Variants in SYMPK observed in about 807,000 individuals in gnomAD.
The protein encoded by SYMPK is symplekin scaffold protein.
Under a neutral mutation model 136.4 loss-of-function variants are expected in SYMPK, and 49 were observed. The observed-to-expected ratio is 0.36, with a 90% CI of 0.29 to 0.46. The LOEUF (loss-of-function observed/expected upper bound fraction) is 0.46, where lower values mean the gene tolerates loss of function less well. SYMPK is among the 20% of genes least tolerant of loss of function. The pLI, the probability that SYMPK is intolerant of heterozygous loss-of-function variation, is 1.00. For missense variants in SYMPK, 1,365 were observed against 1,690.0 expected (o/e 0.81, Z 3.37); for synonymous variants, 766 against 713.0 (o/e 1.07, Z -1.19).
At chr19:45,823,123 T>C (rs1009367314) in intron 20 of SYMPK, among the ~76,000 whole-genome samples, 42 of 152,172 alleles carry the variant, frequency 2.8e-4, no homozygotes, top group African/African-American at 9.9e-4. Context: ...AGGGACCTGC[T>C]TGAGGTAGAG....
At chr19:45,816,247 G>C (rs1010596402) in intron 25 of SYMPK, 64 bp from the exon 26 acceptor site, 3 of 1,255,442 alleles carry the variant, frequency 2.4e-6, no homozygotes, top group Non-Finnish European at 3.2e-6. Flanking sequence ...GCCGGAAAGA[G>C]AAGGAACCAC....
At chr19:45,846,374 T>G (rs1971560419) in intron 7 of SYMPK, among the ~76,000 whole-genome samples, 1 of 152,206 alleles carries the variant, frequency 6.6e-6, no homozygotes. Context: ...TACTATTAAG[T>G]CAAAAAGGCT....
At chr19:45,826,186 A>G in intron 17 of SYMPK, 40 bp downstream of exon 17, 1 of 1,583,052 alleles carries the variant, frequency 6.3e-7, no homozygotes, top group East Asian at 2.3e-5. Context: ...GAGCGCGGAC[A>G]CAGCAGCGCT....
chr19:45,846,270 AT>A (rs1482570883), intron 7 of SYMPK, among the ~76,000 whole-genome samples: 2 of 152,226 alleles, frequency 1.3e-5, no homozygotes, highest in African/African-American at 4.8e-5. Context: ...CTAAATGACC[AT>A]CAACAGAGCA....
chr19:45,831,479 C>T lies in SYMPK; in HGVS notation c.1503G>A (p.Ser501=), dbSNP rs181234868. ...RRLSAQGQAI[S]VVGSLSSMSP... Reference sequence around the variant, plus strand: ...ACATGGAGCTCAGGGAACCCACCACCGAGATGGCTTGGCCCTGGGCTGACA... The same window carrying T: ...ACATGGAGCTCAGGGAACCCACCACTGAGATGGCTTGGCCCTGGGCTGACA... The change falls in exon 12 of 27, where the codon TCG becomes TCA. Residue 501 remains serine (S), a synonymous_variant. Coordinates refer to ENST00000245934, the MANE Select transcript of SYMPK (RefSeq NM_004819.3). 159 of 1,610,868 alleles carry T rather than the reference C, an allele frequency of 9.9e-5. No homozygotes were observed. The East Asian group carries it at 2.8e-3, about 28-fold the overall frequency.
intron 1 of SYMPK, among the ~76,000 whole-genome samples, chr19:45,859,274 A>C (rs1600538550): frequency 2.9e-5 from 4 of 139,230 alleles, no homozygotes; most frequent in Admixed American, 7.5e-5. Flanking sequence ...CCCCTTTCTC[A>C]CTACTGCACT....
intron 1 of SYMPK, among the ~76,000 whole-genome samples, chr19:45,858,763 C>T (rs1160063642): frequency 6.6e-6 from 1 of 152,354 alleles, no homozygotes; most frequent in South Asian, 2.1e-4. Flanking sequence ...GATTCGCCCG[C>T]CTTGGCCTCC....
At position 45,816,987 on chromosome 19, in the gene SYMPK, G is replaced by C. The variant is rs200010154; in HGVS notation, c.3082-13C>G. On this transcript the variant is annotated splice_polypyrimidine_tract_variant and intron_variant, in intron 23 of 26. Transcript: ENST00000245934. ...GGTACTTCCACACCTGAACCAGGGA[G>C]GGAGGGAGCCGTCGGGAGAGGCACA... 18 of 1,555,202 alleles carry C rather than the reference G, an allele frequency of 1.2e-5. No homozygotes were observed. The African/African-American group carries it at 1.5e-4, about 13-fold the overall frequency.
At chr19:45,826,155 C>T (rs1210845131) in intron 17 of SYMPK, 71 bp downstream of exon 17, 21 of 1,532,946 alleles carry the variant, frequency 1.4e-5, no homozygotes, top group Non-Finnish European at 1.8e-5. Context: ...CCCCACTCAT[C>T]CCCTCTGCTC....
At chr19:45,860,291 A>C (rs1348368155) in intron 1 of SYMPK, among the ~76,000 whole-genome samples, 1 of 151,844 alleles carries the variant, frequency 6.6e-6, no homozygotes, top group Non-Finnish European at 1.5e-5. Flanking sequence ...CCTCATCTCT[A>C]CTAAAAATAC....
intron 18 of SYMPK, among the ~76,000 whole-genome samples, chr19:45,824,932 A>T (rs2146306842): frequency 6.6e-6 from 1 of 152,366 alleles, no homozygotes; most frequent in South Asian, 2.1e-4. Flanking sequence ...GCAGTGAGAA[A>T]GCGAGAAGTG....
intron 23 of SYMPK, 107 bp from the exon 24 acceptor site, chr19:45,817,081 C>T (rs937938275): frequency 1.7e-6 from 2 of 1,174,132 alleles, no homozygotes; most frequent in African/African-American, 3.2e-5. Context: ...TCCCACCATC[C>T]AAGATTCCTC....
chr19:45,823,898 C>T (rs940072056), intron 18 of SYMPK, 23 bp from the exon 19 acceptor site: 1 of 1,602,418 alleles, frequency 6.2e-7, no homozygotes, highest in African/African-American at 1.3e-5. Flanking sequence ...ACAGGGATGA[C>T]CAGACCCAGG....
At chr19:45,852,435 C>T (rs1971717989) in intron 4 of SYMPK, 47 bp downstream of exon 4, 1 of 1,614,062 alleles carries the variant, frequency 6.2e-7, no homozygotes, top group Non-Finnish European at 8.5e-7. Context: ...GGATCCACAT[C>T]CCCTTTCCCC....
At chr19:45,854,269 G>C (rs775744329) in intron 2 of SYMPK, 29 bp from the exon 3 acceptor site, 4 of 1,611,702 alleles carry the variant, frequency 2.5e-6, no homozygotes, top group Non-Finnish European at 3.4e-6. Context: ...GCAGGGGATA[G>C]TGCCAGCCCA....
rs1465754555 is a variant in SYMPK, at chr19:45,826,279, A to G, written c.2276T>C (p.Leu759Pro). 1 of 1,613,632 alleles carries G rather than the reference A, an allele frequency of 6.2e-7. No homozygotes were observed. Among genetic ancestry groups the G allele is most frequent in the Non-Finnish European group, 8.5e-7 (1 of 1,179,890 alleles). Residue 759 changes from leucine to proline, a missense_variant, in exon 17 of 27, where the codon CTC (leucine) becomes CCC (proline). By Grantham distance (98) the Leu-to-Pro change is moderately conservative (BLOSUM62 -3). Transcript: ENST00000245934. ...VEKFALNYLQ[L>P]LVHPNPPSVL... Reference sequence around the variant, plus strand: ...AGACGGTGGGTTGGGGTGCACCAGGAGCTGCAGGTAGTTGAGGGCAAATTT... The same window carrying G: ...AGACGGTGGGTTGGGGTGCACCAGGGGCTGCAGGTAGTTGAGGGCAAATTT...
intron 1 of SYMPK, among the ~76,000 whole-genome samples, chr19:45,856,346 A>C (rs1324203553): frequency 6.6e-6 from 1 of 152,178 alleles, no homozygotes; most frequent in Non-Finnish European, 1.5e-5. Flanking sequence ...TCTCAAAAAA[A>C]AAAGGTGAAT....
chr19:45,843,942 CAAAAAAAAAAAAAAAAAAAA>C, intron 8 of SYMPK, 68 bp downstream of exon 8: 1 of 243,556 alleles, frequency 4.1e-6, no homozygotes, highest in Non-Finnish European at 5.4e-6. Context: ...GACTCTGTCT[CAAAAAAAAAAAAAAAAAAAA>C]AAAAAAAAGA....
At position 45,854,181 on chromosome 19, in the gene SYMPK, G is replaced by C. The variant is rs1971762353; in HGVS notation, c.165C>G (p.Leu55=). 2.5e-6 allele frequency: 4 copies of C among 1,614,068 alleles called. No homozygotes were observed. Among genetic ancestry groups the C allele is most frequent in the African/African-American group, 2.7e-5 (2 of 74,992 alleles). ...LITNDSKITV[L]KQVQELIINK... ...ATGCCCCCCGGGCCCTCACCTGTTT[G>C]AGCACTGTGATCTTTGAGTCATTGG... Residue 55 remains leucine, a synonymous_variant, in exon 3 of 27, where the codon CTC becomes CTG. Coordinates refer to ENST00000245934, the MANE Select transcript of SYMPK (RefSeq NM_004819.3).
Sources: allele counts gnomAD v4.1 joint callset (sites outside exome capture counted in the v4.1 genomes callset), GRCh38; gene constraint gnomAD v4.1.1; transcripts MANE v1.5; gene names NCBI Gene and HGNC (gene_info 2026-07-23, HGNC 2026-07-21).